Variants in MYO1H observed in about 807,000 individuals in gnomAD.
The protein encoded by MYO1H is myosin IH.
A neutral mutation model predicts 149.3 loss-of-function variants in MYO1H; 118 were observed. The ratio of observed to expected loss-of-function variants is 0.79; its 90% CI spans 0.68 to 0.92. The LOEUF (loss-of-function observed/expected upper bound fraction) is 0.92. Among genes scored for constraint, MYO1H ranks in the 40% least tolerant of loss-of-function variants. The pLI is 0.00. For missense variants in MYO1H, 1,212 were observed against 1,280.7 expected, an observed-to-expected ratio of 0.95 and a Z score of 0.82; for synonymous variants, 447 against 465.2, an observed-to-expected ratio of 0.96 and a Z score of 0.50.
intron 1 of MYO1H, among the ~76,000 whole-genome samples, chr12:109,352,513 A>G (rs926293754): frequency 5.3e-5 from 8 of 152,220 alleles, no homozygotes; most frequent in African/African-American, 1.9e-4. Flanking sequence ...AATCCTTATT[A>G]CATACACTTT....
intron 15 of MYO1H, among the ~76,000 whole-genome samples, chr12:109,416,901 G>A (rs1201316627): frequency 6.6e-6 from 1 of 152,178 alleles, no homozygotes; most frequent in Non-Finnish European, 1.5e-5. Context: ...CAGCTACTAG[G>A]GAGGGTGAGG....
chr12:109,365,572 T>G (rs1334895753), intron 1 of MYO1H, among the ~76,000 whole-genome samples: 1 of 152,154 alleles, frequency 6.6e-6, no homozygotes, highest in Non-Finnish European at 1.5e-5. Context: ...GCTCTGGAGT[T>G]CAGCTGTTGA....
At chr12:109,344,498 T>C (rs1037069798), upstream of MYO1H, among the ~76,000 whole-genome samples, 1 of 152,180 alleles carries the variant, frequency 6.6e-6, no homozygotes, top group African/African-American at 2.4e-5. Context: ...CCTAAATAAA[T>C]GGAAAGATAT....
At chr12:109,443,564 G>A (rs746211087) in exon 28 of MYO1H, 1 of 1,613,842 alleles carries the variant, frequency 6.2e-7, no homozygotes. Context: ...AAGCACGGCA[G>A]CGGCAACTCA....
At chr12:109,376,757 A>G (rs1242362548) in intron 1 of MYO1H, among the ~76,000 whole-genome samples, 1 of 152,222 alleles carries the variant, frequency 6.6e-6, no homozygotes, top group Non-Finnish European at 1.5e-5. Context: ...GCTGTTCTGT[A>G]TACAGATTAT....
At chr12:109,432,147 G>A (rs1483769777) in intron 19 of MYO1H, among the ~76,000 whole-genome samples, 1 of 151,840 alleles carries the variant, frequency 6.6e-6, no homozygotes. Context: ...GACTACAGGT[G>A]CCCGCCACCA....
chr12:109,324,114 G>A, the MYO1H span, among the ~76,000 whole-genome samples: 4 of 152,030 alleles, frequency 2.6e-5, no homozygotes, highest in Admixed American at 6.6e-5. Context: ...GGAGTGACTT[G>A]ATAGTTGATC....
At chr12:109,369,352 C>T (rs929028115) in intron 1 of MYO1H, among the ~76,000 whole-genome samples, 1 of 152,168 alleles carries the variant, frequency 6.6e-6, no homozygotes, top group Non-Finnish European at 1.5e-5. Flanking sequence ...CAAAATACAG[C>T]ATGCTGCATC....
At position 109,438,641 on chromosome 12, in the gene MYO1H, GA is replaced by G. The variant is rs200235679; in HGVS notation, c.2294+22del. On this transcript the variant is annotated intron_variant, in intron 23 of 31. Transcript: ENST00000310903. ...AGAAAGTAAGTTCTCAGGTACAACAGAGAGGACAGGTCACTAAATGCTGGTA... is the reference window on the plus strand; with the variant it reads ...AGAAAGTAAGTTCTCAGGTACAACAGGAGGACAGGTCACTAAATGCTGGTA... 4,086 of 1,570,946 alleles carry G rather than the reference GA, an allele frequency of 2.6e-3. 101 individuals carry two copies. In the African/African-American group the frequency reaches 0.049, roughly 19 times the overall value.
rs534120957 is a variant in MYO1H at position 109,386,599 on chromosome 12, T to C, written c.13-2084T>C. 2.0e-5 allele frequency among the ~76,000 whole-genome samples: 3 copies of C among 152,364 alleles called. No individual in the cohort carries two copies. The South Asian group carries it at 6.2e-4, about 32-fold the overall frequency. ...TGTGTTTCCCTGATGACTAACAATGTTGACCATTTTTCTATGTGTGTATTG... is the reference window on the plus strand; with the variant it reads ...TGTGTTTCCCTGATGACTAACAATGCTGACCATTTTTCTATGTGTGTATTG... On this transcript the variant is annotated intron_variant, in intron 1 of 31. Coordinates refer to ENST00000310903, the Ensembl canonical transcript of MYO1H.
rs551268651 is a variant in MYO1H, at chr12:109,415,527, C to T, written c.1504C>T (p.Arg502Cys). Residue 502 changes from arginine to cysteine, a missense_variant and splice_region_variant, in exon 15 of 32, where the codon CGT becomes TGT. Arg to Cys is a radical substitution (Grantham distance 180, BLOSUM62 -3). Transcript: ENST00000310903. ...CTCGTGTCTATTTCTGTCTCGTAGCCGTAAGCTGGCTGGTCCAAAGGGCCG... is the reference window on the plus strand; with the variant it reads ...CTCGTGTCTATTTCTGTCTCGTAGCTGTAAGCTGGCTGGTCCAAAGGGCCG... The T allele has an allele frequency of 1.3e-5, 21 of 1,602,480 alleles. No homozygotes were observed. Among genetic ancestry groups the T allele is most frequent in the Admixed American group, 1.7e-5 (1 of 58,264 alleles).
the MYO1H span, among the ~76,000 whole-genome samples, chr12:109,322,094 T>A: frequency 6.6e-6 from 1 of 152,176 alleles, no homozygotes; most frequent in Non-Finnish European, 1.5e-5. Flanking sequence ...GAGAGCCAGA[T>A]ATGAGCTGGC....
chr12:109,403,350 C>A (rs1870244413), intron 6 of MYO1H, among the ~76,000 whole-genome samples: 1 of 152,174 alleles, frequency 6.6e-6, no homozygotes, highest in Non-Finnish European at 1.5e-5. Context: ...GAAAACAGAT[C>A]TTCAGATAAT....
chr12:109,406,414 C>T (rs1461385953), intron 8 of MYO1H, among the ~76,000 whole-genome samples: 1 of 138,102 alleles, frequency 7.2e-6, no homozygotes, highest in Non-Finnish European at 1.5e-5. Flanking sequence ...TGCAGTGAGC[C>T]ATGATCATGC....
intron 14 of MYO1H, among the ~76,000 whole-genome samples, chr12:109,413,646 A>T (rs149757404): frequency 6.6e-6 from 1 of 152,346 alleles, no homozygotes; most frequent in East Asian, 1.9e-4. Context: ...GTGCTGGTTC[A>T]TGCCTATAAT....
chr12:109,442,292 C>G lies in MYO1H; in HGVS notation c.2688+20C>G. On this transcript the variant is annotated intron_variant, in intron 27 of 31. Coordinates refer to ENST00000310903, the Ensembl canonical transcript of MYO1H. ...ATCCAGGTAAGGCGATGTGTGTCCT[C>G]AGTCTCAAACAGGATTCCCTCATCG... 6.8e-6 allele frequency: 11 copies of G among 1,608,264 alleles called. No individual in the cohort carries two copies. The highest frequency in any genetic ancestry group is 9.4e-6 in the Non-Finnish European group (11 of 1,174,756).
exon 2 of MYO1H, chr12:109,388,786 C>T (rs757047198): frequency 1.2e-6 from 2 of 1,613,118 alleles, no homozygotes; most frequent in South Asian, 2.2e-5. Flanking sequence ...GACGCGTACA[C>T]CAGCGAATCT....
At chr12:109,361,865 A>G (rs1868761473) in intron 1 of MYO1H, among the ~76,000 whole-genome samples, 1 of 151,606 alleles carries the variant, frequency 6.6e-6, no homozygotes, top group Non-Finnish European at 1.5e-5. Context: ...CAGCAAACCC[A>G]ATGCTTTGCT....
intron 17 of MYO1H, 104 bp from the exon 18 acceptor site, chr12:109,425,842 T>C: frequency 2.5e-6 from 2 of 810,224 alleles, no homozygotes; most frequent in Non-Finnish European, 2.1e-6. Flanking sequence ...ATAGTTCAGC[T>C]CTATAGGGCT....
Sources: allele counts gnomAD v4.1 joint callset (sites outside exome capture counted in the v4.1 genomes callset), GRCh38; gene constraint gnomAD v4.1.1; transcripts MANE v1.5; gene names NCBI Gene and HGNC (gene_info 2026-07-23, HGNC 2026-07-21).